Variants in GNAO1 observed in about 807,000 individuals in gnomAD.
GNAO1 encodes G protein subunit alpha o1.
For synonymous variants in GNAO1, 164 were observed against 180.7 expected (o/e 0.91, Z 0.74); for missense variants, 166 against 478.7 (o/e 0.35, Z 6.10).
chr16:56,326,202 G>A lies in GNAO1; in HGVS notation c.304-2429G>A, dbSNP rs114414058. On this transcript the variant is annotated intron_variant, in intron 3 of 8. Transcript: ENST00000262493. The surrounding 1 kb of genome is among the most constrained non-coding windows in gnomAD (Gnocchi z 4.8). ...ACTCTGCTGGTGCACACCCTGAGGC[G>A]TGGTGCCCCAGGCGGGCAGTAGTCA... Among the ~76,000 whole-genome samples, 676 of 152,332 alleles carry A rather than the reference G, an allele frequency of 4.4e-3. 4 individuals are homozygous for A. Among genetic ancestry groups the A allele is most frequent in the African/African-American group, 0.015 (625 of 41,574 alleles).
intron 5 of GNAO1, among the ~76,000 whole-genome samples, chr16:56,335,727 C>A (rs567993980): frequency 6.6e-6 from 1 of 152,198 alleles, no homozygotes; most frequent in Non-Finnish European, 1.5e-5. Flanking sequence ...CCTGCTCCCC[C>A]ACTGGGAGCA....
intron 3 of GNAO1, among the ~76,000 whole-genome samples, chr16:56,310,674 C>T (rs1278341360): frequency 6.6e-6 from 1 of 152,092 alleles, no homozygotes; most frequent in African/African-American, 2.4e-5. Context: ...GGTCAGATGT[C>T]AAATAGGGAA....
At chr16:56,257,718 T>G (rs1486196514) in intron 2 of GNAO1, among the ~76,000 whole-genome samples, 3 of 152,252 alleles carry the variant, frequency 2.0e-5, no homozygotes, top group African/African-American at 7.2e-5. Context: ...AGTTTAGCAC[T>G]TTTCCTTCTT....
rs775989534 is a variant in GNAO1, at chr16:56,343,775, T to C, written c.723+6915T>C. ...GTTTGCTCTGCAGGCCCCAGCGCCT[T>C]CACAGAAGCCGTGGCTTACATCCAG... On this transcript the variant is annotated intron_variant, in intron 6 of 8. Transcript: ENST00000262493. The C allele has an allele frequency of 5.6e-6, 9 of 1,613,218 alleles. No individual in the cohort carries two copies. In the Admixed American group the frequency reaches 1.5e-4, roughly 27 times the overall value.
chr16:56,348,174 G>A (rs776249057), intron 6 of GNAO1: 19 of 982,500 alleles, frequency 1.9e-5, no homozygotes, highest in African/African-American at 1.7e-5. Flanking sequence ...GTCGCCTACC[G>A]TTAATAAAAA....
At chr16:56,204,369 C>T (rs1334271734) in intron 2 of GNAO1, among the ~76,000 whole-genome samples, 1 of 152,054 alleles carries the variant, frequency 6.6e-6, no homozygotes, top group Non-Finnish European at 1.5e-5. Flanking sequence ...GCTTAGCTGC[C>T]CTTGTGGTCG....
intron 4 of GNAO1, among the ~76,000 whole-genome samples, chr16:56,329,985 G>A (rs1314589384): frequency 3.3e-5 from 5 of 152,184 alleles, no homozygotes; most frequent in African/African-American, 7.2e-5. Flanking sequence ...CCTGATCTAC[G>A]CAATGCCAAT....
At chr16:56,312,952 T>A (rs1257509656) in intron 3 of GNAO1, among the ~76,000 whole-genome samples, 5 of 152,138 alleles carry the variant, frequency 3.3e-5, no homozygotes, top group Admixed American at 3.3e-4. Flanking sequence ...TCTGAACCTA[T>A]CTCCTAGGTC....
chr16:56,354,827 C>A lies in GNAO1; in HGVS notation c.878-39C>A. The A allele has an allele frequency of 7.4e-7, 1 of 1,355,380 alleles. No homozygotes were observed. Among genetic ancestry groups the A allele is most frequent in the South Asian group, 1.2e-5 (1 of 84,012 alleles). 84.0% of individuals were successfully genotyped at this position (1,355,380 alleles called of 1,614,324 possible). ...CCCAGCCCTGTCCACCCACAGCGCTCATCAGGGCCTCTCCCCGTTCTTCTG... is the reference window on the plus strand; with the variant it reads ...CCCAGCCCTGTCCACCCACAGCGCTAATCAGGGCCTCTCCCCGTTCTTCTG... On this transcript the variant is annotated intron_variant, in intron 7 of 8. Coordinates refer to ENST00000262493, the MANE Select transcript of GNAO1 (RefSeq NM_020988.3). This position sits in a 1 kb window ranked among gnomAD's most constrained non-coding sequence, Gnocchi z 4.3.
intron 6 of GNAO1, among the ~76,000 whole-genome samples, chr16:56,349,203 G>C (rs1314895213): frequency 6.6e-6 from 1 of 152,198 alleles, no homozygotes; most frequent in South Asian, 2.1e-4. Context: ...GGCCAAGGGG[G>C]CACAGTCCCC....
intron 2 of GNAO1, among the ~76,000 whole-genome samples, chr16:56,244,630 G>A (rs1041638161): frequency 1.3e-5 from 2 of 152,096 alleles, no homozygotes; most frequent in Admixed American, 6.5e-5. Flanking sequence ...AAGGTCATTT[G>A]ACCCCCTGGG....
chr16:56,312,828 T>C (rs1162153576), intron 3 of GNAO1, among the ~76,000 whole-genome samples: 1 of 152,158 alleles, frequency 6.6e-6, no homozygotes, highest in African/African-American at 2.4e-5. Context: ...GGGACAAGGC[T>C]CACACATTTA....
intron 3 of GNAO1, 97 bp from the exon 4 acceptor site, chr16:56,328,534 C>T: frequency 7.9e-7 from 1 of 1,271,570 alleles, no homozygotes; most frequent in Non-Finnish European, 1.1e-6. Flanking sequence ...ACTGGCTGGG[C>T]TCTCATCACA....
intron 6 of GNAO1, chr16:56,345,546 G>A: frequency 2.2e-6 from 2 of 906,176 alleles, no homozygotes; most frequent in Non-Finnish European, 2.6e-6. Flanking sequence ...AGTGCCAAAT[G>A]CCTGCAGGGA....
chr16:56,310,897 C>T (rs1210075861), intron 3 of GNAO1, among the ~76,000 whole-genome samples: 2 of 152,080 alleles, frequency 1.3e-5, no homozygotes, highest in African/African-American at 4.8e-5. Flanking sequence ...GCACCACCAC[C>T]CCCTAGGATT....
At chr16:56,355,230 A>AC in intron 8 of GNAO1, 149 bp downstream of exon 8, 1 of 195,142 alleles carries the variant, frequency 5.1e-6, no homozygotes, top group Non-Finnish European at 9.7e-6. Flanking sequence ...TATATATACA[A>AC]ATATATATTT....
Position 56,293,504 on chromosome 16 carries a change from C to G in GNAO1, c.303+17432C>G, listed in dbSNP as rs537781185. On this transcript the variant is annotated intron_variant, in intron 3 of 8. Transcript: ENST00000262493. Reference sequence around the variant, plus strand: ...GCATGACATCTCTGGAACATGAGTCCCATGTTCTGTGTGCAGACAGTGTGC... The same window carrying G: ...GCATGACATCTCTGGAACATGAGTCGCATGTTCTGTGTGCAGACAGTGTGC... Among the ~76,000 whole-genome samples the G allele has an allele frequency of 6.2e-4, 95 of 152,250 alleles. 2 individuals are homozygous for G. The South Asian group carries it at 0.019, about 31-fold the overall frequency.
In GNAO1 at chr16:56,344,019, C is replaced by T. The variant is rs978596254; in HGVS notation, c.723+7159C>T. 2.5e-6 allele frequency: 4 copies of T among 1,585,390 alleles called. No homozygotes were observed. In the Admixed American group the frequency reaches 6.8e-5, roughly 27 times the overall value. On this transcript the variant is annotated intron_variant, in intron 6 of 8. Coordinates refer to ENST00000262493, the MANE Select transcript of GNAO1 (RefSeq NM_020988.3). ...GCCCCCCCTCCCCTGGAACCAGGCTCCACCACTCTCAGACCACTCTTTGCA... is the reference window on the plus strand; with the variant it reads ...GCCCCCCCTCCCCTGGAACCAGGCTTCACCACTCTCAGACCACTCTTTGCA...
intron 4 of GNAO1, 125 bp from the exon 5 acceptor site, chr16:56,334,604 T>A: frequency 1.0e-6 from 1 of 984,030 alleles, no homozygotes; most frequent in Non-Finnish European, 1.5e-6. Context: ...ATGGAGGTGA[T>A]GTCTTTTCCA....
Sources: allele counts gnomAD v4.1 joint callset (sites outside exome capture counted in the v4.1 genomes callset), GRCh38; gene constraint gnomAD v4.1.1; non-coding constraint Gnocchi (gnomAD v3.1); transcripts MANE v1.5; gene names NCBI Gene and HGNC (gene_info 2026-07-23, HGNC 2026-07-21).